KDM4A: variants seen among roughly 807,000 people sequenced by gnomAD.
The protein encoded by KDM4A is lysine-specific demethylase 4A.
A neutral mutation model predicts 127.1 loss-of-function variants in KDM4A; 23 were observed. The observed-to-expected ratio is 0.18, with a 90% confidence interval of 0.13 to 0.26. The LOEUF (loss-of-function observed/expected upper bound fraction) is 0.26, where lower values mean the gene tolerates loss of function less well. KDM4A is among the 10% of genes least tolerant of loss of function. The pLI is 1.00. For synonymous variants in KDM4A, 443 were observed against 466.5 expected, an observed-to-expected ratio of 0.95 and a Z score of 0.65; for missense variants, 890 against 1,329.1, an observed-to-expected ratio of 0.67 and a Z score of 5.14.
At chr1:43,690,684 AG>A in intron 13 of KDM4A, 160 bp from the exon 14 acceptor site, 6 of 713,788 alleles carry the variant, frequency 8.4e-6, no homozygotes. Flanking sequence ...GAGTCATTAC[AG>A]GTAACTTCAA....
chr1:43,703,924 C>G, intron 20 of KDM4A, 96 bp from the exon 21 acceptor site: 1 of 1,325,380 alleles, frequency 7.5e-7, no homozygotes, highest in Non-Finnish European at 1.1e-6. Flanking sequence ...AGTGTTCTAA[C>G]TCCTTCCTTT....
chr1:43,671,955 G>C, intron 11 of KDM4A, 80 bp downstream of exon 11: 1 of 1,460,598 alleles, frequency 6.8e-7, no homozygotes, highest in South Asian at 1.5e-5. Context: ...TGTGGGGGAG[G>C]GAGGTGGATC....
Position 43,671,649 on chromosome 1 carries a change from G to T in KDM4A, c.1508G>T (p.Gly503Val), listed in dbSNP as rs201318621. The T allele has an allele frequency of 6.3e-4, 1,018 of 1,613,230 alleles. 1 individual carries two copies. Among genetic ancestry groups the T allele is most frequent in the Non-Finnish European group, 8.3e-4 (981 of 1,179,632 alleles). The change falls in exon 11 of 22, where the codon GGC becomes GTC. Residue 503 changes from glycine (G) to valine (V), a missense_variant. Physicochemically the swap from Gly to Val is moderately radical, Grantham distance 109 (BLOSUM62 -3). Around this residue, in one of 7 missense-constraint regions of KDM4A, gnomAD observed 389 missense variants for 485.9 expected, o/e 0.80. Transcript: ENST00000372396. ...ASVGGRLVFSGSKKKSSSSLG... is the reference protein window; with the variant it reads ...ASVGGRLVFSVSKKKSSSSLG... ...GTAGGGGGACGCCTTGTCTTCTCAG[G>T]CTCCAAAAAGAAATCATCTTCTAGC...
intron 12 of KDM4A, among the ~76,000 whole-genome samples, chr1:43,687,610 AAC>A (rs1384907359): frequency 1.4e-4 from 21 of 152,220 alleles, no homozygotes; most frequent in African/African-American, 5.1e-4. Context: ...CATCTGGAGA[AAC>A]ATTTTGGACA....
rs752725362 is a variant in KDM4A at position 43,669,351 on chromosome 1, G to A, written c.1363+52G>A. 28 of 1,538,920 alleles carry A rather than the reference G, an allele frequency of 1.8e-5. No individual in the cohort carries two copies. In the Admixed American group the frequency reaches 2.8e-4, roughly 16 times the overall value. ...CAACCCTAACTCATATATGTGTCCCGTGTTAGATGCCATATTGAGTGCTGG... is the reference window on the plus strand; with the variant it reads ...CAACCCTAACTCATATATGTGTCCCATGTTAGATGCCATATTGAGTGCTGG... On this transcript the variant is annotated intron_variant, in intron 10 of 21. Transcript: ENST00000372396.
chr1:43,655,874 G>T, intron 3 of KDM4A, 108 bp downstream of exon 3: 2 of 899,890 alleles, frequency 2.2e-6, no homozygotes, highest in South Asian at 2.1e-5. Flanking sequence ...TCTTCAGCAG[G>T]ATGGCTCTGT....
rs144201973 is a variant in KDM4A at position 43,668,030 on chromosome 1, A to G, written c.1163+11A>G. The G allele has an allele frequency of 1.5e-3, 2,372 of 1,613,492 alleles. 29 individuals carry two copies. In the African/African-American group the frequency reaches 0.027, roughly 18 times the overall value. The stretch of plus-strand genomic sequence containing the variant: ...AGACCTGAAGACAAGGTAACCCAGC[A>G]GCCCTTTTGTCCTGGCTGCGTGAGG... On this transcript the variant is annotated intron_variant, in intron 9 of 21. Transcript: ENST00000372396.
Position 43,667,332 on chromosome 1 carries a change from G to A in KDM4A, c.915+241G>A, listed in dbSNP as rs143155877. Among the ~76,000 whole-genome samples, 5 of 152,308 alleles carry A rather than the reference G, an allele frequency of 3.3e-5. No homozygotes were observed. The East Asian group carries it at 7.7e-4, about 23-fold the overall frequency. On this transcript the variant is annotated intron_variant, in intron 8 of 21. Coordinates refer to ENST00000372396, the MANE Select transcript of KDM4A (RefSeq NM_014663.3). ...AGGCATTAAAACCACATCCACACAC[G>A]TTAATACTCTTGTTTATCCATTCCG...
At chr1:43,659,541 ACTC>A (rs1317823660) in intron 3 of KDM4A, among the ~76,000 whole-genome samples, 1 of 151,310 alleles carries the variant, frequency 6.6e-6, no homozygotes, top group Non-Finnish European at 1.5e-5. Flanking sequence ...CTGGTCTTGA[ACTC>A]CTGACCTCAG....
At position 43,691,055 on chromosome 1, in the gene KDM4A, T is replaced by A. The variant is rs1661097624; in HGVS notation, c.2242+6T>A. 1 of 1,613,612 alleles carries A rather than the reference T, an allele frequency of 6.2e-7. No individual in the cohort carries two copies. The highest frequency in any genetic ancestry group is 8.5e-7 in the Non-Finnish European group (1 of 1,179,878). On this transcript the variant is annotated splice_donor_region_variant and intron_variant, in intron 14 of 21. Coordinates refer to ENST00000372396, the MANE Select transcript of KDM4A (RefSeq NM_014663.3). ...CAGCGTCCGGGTCCATGCCAGTGAGTGCTGCTCACCTTTCTCTGTGTCCTG... is the reference window on the plus strand; with the variant it reads ...CAGCGTCCGGGTCCATGCCAGTGAGAGCTGCTCACCTTTCTCTGTGTCCTG...
intron 2 of KDM4A, among the ~76,000 whole-genome samples, chr1:43,653,955 T>G (rs1027012612): frequency 2.3e-4 from 35 of 152,124 alleles, no homozygotes; most frequent in African/African-American, 8.0e-4. Context: ...GAGGAAATTT[T>G]TTACACCATT....
chr1:43,698,587 CCCCA>C (rs774457737), intron 19 of KDM4A, among the ~76,000 whole-genome samples: 14 of 152,262 alleles, frequency 9.2e-5, no homozygotes, highest in Non-Finnish European at 1.5e-4. Flanking sequence ...TTTCCCCTAC[CCCCA>C]CCTTGCCTTT....
At chr1:43,690,817 G>A (rs1435566601) in intron 13 of KDM4A, 28 bp from the exon 14 acceptor site, 1 of 1,603,114 alleles carries the variant, frequency 6.2e-7, no homozygotes, top group Non-Finnish European at 8.5e-7. Flanking sequence ...CGTGCTCACT[G>A]AGGTGTACAC....
intron 3 of KDM4A, 46 bp downstream of exon 3, chr1:43,655,812 GTGT>G: frequency 6.6e-7 from 1 of 1,512,492 alleles, no homozygotes; most frequent in Non-Finnish European, 9.0e-7. Flanking sequence ...TAGGACCCTG[GTGT>G]CTCATCCTCC....
chr1:43,695,043 C>T, intron 18 of KDM4A, 149 bp downstream of exon 18: 1 of 759,716 alleles, frequency 1.3e-6, no homozygotes, highest in Non-Finnish European at 2.1e-6. Flanking sequence ...GAGGTGGCCC[C>T]TGTCCATCTC....
chr1:43,668,406 T>C (rs3791033), intron 9 of KDM4A, among the ~76,000 whole-genome samples: 37,604 of 152,096 alleles, frequency 0.25, 5,412 homozygotes, highest in Non-Finnish European at 0.33. Context: ...ATTACAGGTG[T>C]GAGCCACCGC....
At chr1:43,684,454 G>A (rs1012488994) in intron 12 of KDM4A, among the ~76,000 whole-genome samples, 8 of 152,212 alleles carry the variant, frequency 5.3e-5, no homozygotes, top group Admixed American at 3.9e-4. Context: ...AGTGAGCCGA[G>A]ATGGTGCCAC....
At chr1:43,668,292 A>AT (rs1481745248) in intron 9 of KDM4A, among the ~76,000 whole-genome samples, 1 of 151,906 alleles carries the variant, frequency 6.6e-6, no homozygotes, top group African/African-American at 2.4e-5. Context: ...CGCCTGGCTA[A>AT]TTTTTTGTAT....
chr1:43,664,481 C>T (rs1660456722), intron 5 of KDM4A, among the ~76,000 whole-genome samples: 1 of 152,084 alleles, frequency 6.6e-6, no homozygotes. Context: ...CTGTGTAAAA[C>T]GATGAGAAGT....
Sources: allele counts gnomAD v4.1 joint callset (sites outside exome capture counted in the v4.1 genomes callset), GRCh38; gene constraint gnomAD v4.1.1; regional missense constraint gnomAD v4.1.1; transcripts MANE v1.5; gene names NCBI Gene and HGNC (gene_info 2026-07-23, HGNC 2026-07-21).